The following PRPF6 variants were observed in gnomAD, a reference collection of about 807,000 sequenced individuals.
PRPF6 encodes the protein pre-mRNA-processing factor 6.
Under a neutral mutation model 118.3 loss-of-function variants are expected in PRPF6, and 42 were observed. That is an observed-to-expected ratio of 0.35 (90% CI 0.28 to 0.46). The LOEUF (loss-of-function observed/expected upper bound fraction) is 0.46, where lower values mean the gene tolerates loss of function less well. Ranked by LOEUF, PRPF6 falls within the 20% of genes least tolerant of loss-of-function variation. The probability of loss-of-function intolerance (pLI) is 1.00; values close to 1 mark genes in which losing one functional copy is unlikely to be tolerated. For missense variants in PRPF6, 662 were observed against 1,255.7 expected, an observed-to-expected ratio of 0.53 and a Z score of 7.15; for synonymous variants, 481 against 485.1, an observed-to-expected ratio of 0.99 and a Z score of 0.11.
chr20:64,017,574 C>CG (rs1207663194), intron 12 of PRPF6, among the ~76,000 whole-genome samples: 2 of 148,788 alleles, frequency 1.3e-5, no homozygotes, highest in East Asian at 4.0e-4. Flanking sequence ...GGATCACAGG[C>CG]GTGAGCTGCC....
chr20:64,003,745 G>A (rs1381704735), intron 9 of PRPF6, among the ~76,000 whole-genome samples: 1 of 152,090 alleles, frequency 6.6e-6, no homozygotes, highest in Non-Finnish European at 1.5e-5. Flanking sequence ...ACAGGCGCCC[G>A]CCACCAGGCC....
At chr20:63,999,350 C>G (rs1052266233) in intron 7 of PRPF6, among the ~76,000 whole-genome samples, 1 of 152,236 alleles carries the variant, frequency 6.6e-6, no homozygotes, top group African/African-American at 2.4e-5. Flanking sequence ...AAGTCCCTGC[C>G]TGTGCTGGGC....
chr20:63,993,885 G>C (rs544041717), intron 4 of PRPF6, among the ~76,000 whole-genome samples: 68 of 151,848 alleles, frequency 4.5e-4, no homozygotes, highest in African/African-American at 1.6e-3. Context: ...AAGTAGCTGG[G>C]ATTACAGGTG....
chr20:64,014,296 A>T (rs997040001), intron 11 of PRPF6, among the ~76,000 whole-genome samples: 2 of 152,094 alleles, frequency 1.3e-5, no homozygotes, highest in African/African-American at 4.8e-5. Context: ...TTTTATATAC[A>T]GATGTTCAAC....
At chr20:63,993,226 A>ATG (rs61077852) in intron 3 of PRPF6, among the ~76,000 whole-genome samples, 181 bp from the exon 4 acceptor site, 1,947 of 129,294 alleles carry the variant, frequency 0.015, 19 homozygotes, top group Middle Eastern at 0.032. Context: ...AAAAAAAAAA[A>ATG]TGTGTGTGTG....
intron 1 of PRPF6, among the ~76,000 whole-genome samples, chr20:63,982,543 A>G (rs2122966339): frequency 6.6e-6 from 1 of 152,342 alleles, no homozygotes; most frequent in South Asian, 2.1e-4. Context: ...GAGGAAGGCT[A>G]AAGGCAGGGA....
intron 19 of PRPF6, among the ~76,000 whole-genome samples, chr20:64,030,477 G>C (rs1052823725): frequency 4.6e-5 from 7 of 152,118 alleles, no homozygotes; most frequent in African/African-American, 7.2e-5. Flanking sequence ...CCAGAGGTCT[G>C]GGTGCCGCCC....
chr20:64,019,384 C>T (rs1167084576), intron 12 of PRPF6, among the ~76,000 whole-genome samples: 1 of 152,128 alleles, frequency 6.6e-6, no homozygotes, highest in East Asian at 1.9e-4. Flanking sequence ...CTGCTCCTGG[C>T]CTGTTTTTCT....
At chr20:64,000,253 C>CT (rs1337913493) in intron 8 of PRPF6, among the ~76,000 whole-genome samples, 1 of 152,126 alleles carries the variant, frequency 6.6e-6, no homozygotes, top group Non-Finnish European at 1.5e-5. Context: ...CTTTGGGAGG[C>CT]TGAGGCGGGT....
intron 12 of PRPF6, among the ~76,000 whole-genome samples, chr20:64,021,184 CTG>C (rs141382746): frequency 2.0e-5 from 3 of 152,114 alleles, no homozygotes; most frequent in Admixed American, 1.3e-4. Flanking sequence ...CCACAGCCCT[CTG>C]TGTGTGTGTG....
At chr20:64,000,988 G>A (rs1389812891) in intron 8 of PRPF6, 89 bp from the exon 9 acceptor site, 11 of 1,458,254 alleles carry the variant, frequency 7.5e-6, no homozygotes, top group African/African-American at 4.2e-5. Flanking sequence ...TCTGGGGCCC[G>A]AGGATCTGCT....
intron 3 of PRPF6, among the ~76,000 whole-genome samples, chr20:63,987,460 A>G (rs890154253): frequency 1.8e-4 from 27 of 151,636 alleles, no homozygotes; most frequent in Non-Finnish European, 4.4e-5. Context: ...GGGCAACACA[A>G]TGAGACTGTG....
chr20:64,015,345 ATTCT>A (rs1263012706), intron 11 of PRPF6, among the ~76,000 whole-genome samples: 1 of 152,176 alleles, frequency 6.6e-6, no homozygotes, highest in Non-Finnish European at 1.5e-5. Flanking sequence ...TGCCCCACGC[ATTCT>A]TCTCACCACT....
chr20:64,032,496 G>A (rs1370339298), intron 20 of PRPF6, among the ~76,000 whole-genome samples: 1 of 152,228 alleles, frequency 6.6e-6, no homozygotes, highest in Non-Finnish European at 1.5e-5. Context: ...CAGTCAGGCT[G>A]TCCTGGTCCT....
At chr20:63,988,155 A>G (rs2059102885) in intron 3 of PRPF6, among the ~76,000 whole-genome samples, 1 of 152,226 alleles carries the variant, frequency 6.6e-6, no homozygotes, top group Middle Eastern at 3.4e-3. Flanking sequence ...CCCTGTCTCT[A>G]CTAAAAATAC....
At chr20:63,993,311 G>T in intron 3 of PRPF6, 96 bp from the exon 4 acceptor site, 6 of 663,098 alleles carry the variant, frequency 9.0e-6, no homozygotes, top group Non-Finnish European at 1.6e-5. Context: ...TAAGAGTATG[G>T]AATTGTTCTT....
chr20:64,031,367 G>C (rs1387805533), intron 19 of PRPF6, among the ~76,000 whole-genome samples: 1 of 152,196 alleles, frequency 6.6e-6, no homozygotes, highest in African/African-American at 2.4e-5. Flanking sequence ...ATCTTTCCCT[G>C]CGTGTGAATT....
chr20:64,017,536 C>T (rs2123069252), intron 12 of PRPF6, among the ~76,000 whole-genome samples: 1 of 148,874 alleles, frequency 6.7e-6, no homozygotes, highest in Admixed American at 6.6e-5. Flanking sequence ...CAGGCGTGAG[C>T]CGCCGCGCCC....
chr20:63,989,672 C>T (rs984088983), intron 3 of PRPF6, among the ~76,000 whole-genome samples: 2 of 151,918 alleles, frequency 1.3e-5, no homozygotes, highest in African/African-American at 2.4e-5. Context: ...CCTGCCACCA[C>T]GCCTGGCTAG....
Sources: gnomAD v4.1 joint callset for allele counts (sites outside exome capture counted in the v4.1 genomes callset) on GRCh38, gnomAD v4.1.1 for gene constraint, MANE v1.5 for transcripts, NCBI Gene and HGNC (gene_info 2026-07-23, HGNC 2026-07-21) for gene names.